The following ITIH4 variants were observed in gnomAD, a reference collection of about 807,000 sequenced individuals.
ITIH4 encodes the protein inter-alpha-trypsin inhibitor heavy chain H4.
A neutral mutation model predicts 111.8 loss-of-function variants in ITIH4; 79 were observed. That is an observed-to-expected ratio of 0.71 (90% CI 0.59 to 0.85). The LOEUF (loss-of-function observed/expected upper bound fraction) is 0.85. Ranked by LOEUF, ITIH4 falls within the 40% of genes least tolerant of loss-of-function variation. ITIH4 has a pLI of 0.00. For synonymous variants in ITIH4, 472 were observed against 468.3 expected (o/e 1.01, Z -0.10); for missense variants, 1,065 against 1,195.8 (o/e 0.89, Z 1.61).
chr3:52,823,824 T>C lies in ITIH4; in HGVS notation c.1352A>G (p.Gln451Arg), dbSNP rs1207212924. ...AGCCCACCTGGGGCACACTGGCACCTGGAGCTGCAGGGCAGAGTCTGAGTC... is the reference window on the plus strand; with the variant it reads ...AGCCCACCTGGGGCACACTGGCACCCGGAGCTGCAGGGCAGAGTCTGAGTC... Reference protein sequence around the residue: ...HEDSDSALQLQDFYQEVANPL... With the variant: ...HEDSDSALQLRDFYQEVANPL... Residue 451 changes from glutamine (Q) to arginine (R), a missense_variant and splice_region_variant, in exon 10 of 24, where the codon CAG (glutamine) becomes CGG (arginine). Gln to Arg is a conservative substitution (Grantham distance 43, BLOSUM62 1). Transcript: ENST00000266041. 1 of 1,613,908 alleles carries C rather than the reference T, an allele frequency of 6.2e-7. No homozygotes were observed. Among genetic ancestry groups the C allele is most frequent in the Admixed American group, 1.7e-5 (1 of 60,022 alleles).
In ITIH4 at chr3:52,818,115, G is replaced by A. The variant is rs145279742; in HGVS notation, c.2233C>T (p.Arg745Trp). ...CGGTGTCTGGGGTCCACACAGAGCCGCTCCACACTCTGCCCAGGCAGTGGC... is the reference window on the plus strand; with the variant it reads ...CGGTGTCTGGGGTCCACACAGAGCCACTCCACACTCTGCCCAGGCAGTGGC... ...ILPLPGQSVE[R>W]LCVDPRHRQG... Residue 745 changes from arginine (R) to tryptophan (W), a missense_variant, in exon 20 of 24, where the codon CGG (arginine) becomes TGG (tryptophan). Arg to Trp is a moderately radical substitution (Grantham distance 101, BLOSUM62 -3). Transcript: ENST00000266041. 1,609 of 1,613,854 alleles carry A rather than the reference G, an allele frequency of 1.0e-3. No homozygotes were observed. Among genetic ancestry groups the A allele is most frequent in the Non-Finnish European group, 1.2e-3 (1,448 of 1,179,958 alleles).
At chr3:52,820,890 A>C (rs990797870) in intron 12 of ITIH4, 101 bp downstream of exon 12, 1 of 1,547,150 alleles carries the variant, frequency 6.5e-7, no homozygotes, top group African/African-American at 1.4e-5. Context: ...TGGAGCTTGG[A>C]CATGATGCCA....
At chr3:52,817,916 A>C in intron 20 of ITIH4, 136 bp downstream of exon 20, 1 of 748,782 alleles carries the variant, frequency 1.3e-6, no homozygotes. Context: ...CCATGCCAGC[A>C]CTGGGAGGCA....
intron 20 of ITIH4, 126 bp from the exon 21 acceptor site, chr3:52,817,184 G>T: frequency 1.4e-6 from 1 of 722,908 alleles, no homozygotes; most frequent in Non-Finnish European, 2.3e-6. Context: ...CATCAGGAGG[G>T]GTGCCCCTTT....
intron 11 of ITIH4, 153 bp downstream of exon 11, chr3:52,823,403 T>C (rs551308550): frequency 1.3e-5 from 8 of 638,554 alleles, no homozygotes; most frequent in African/African-American, 1.1e-4. Context: ...AATCACTCCA[T>C]TGTCTCATTG....
At position 52,819,379 on chromosome 3, in the gene ITIH4, G is replaced by A. The variant is rs751752080; in HGVS notation, c.2077+14C>T. Reference sequence around the variant, plus strand: ...GGGAAACCGAGGCCCTCGCAGGGCCGGAAGGCAGCTTACAGATGGCCAGAC... The same window carrying A: ...GGGAAACCGAGGCCCTCGCAGGGCCAGAAGGCAGCTTACAGATGGCCAGAC... On this transcript the variant is annotated intron_variant, in intron 17 of 23. Transcript: ENST00000266041. The A allele has an allele frequency of 5.6e-6, 9 of 1,613,790 alleles. No individual in the cohort carries two copies. The highest frequency in any genetic ancestry group is 2.2e-5 in the East Asian group (1 of 44,878).
chr3:52,821,606 G>T (rs931839995), intron 11 of ITIH4, among the ~76,000 whole-genome samples: 2 of 152,150 alleles, frequency 1.3e-5, no homozygotes, highest in Middle Eastern at 3.2e-3. Context: ...CTCCGGGTTT[G>T]GGGCCCCATC....
chr3:52,820,125 G>T, intron 14 of ITIH4, 135 bp from the exon 15 acceptor site: 1 of 1,262,786 alleles, frequency 7.9e-7, no homozygotes, highest in Non-Finnish European at 1.1e-6. Context: ...GCGACTAAAT[G>T]CACCAGCATG....
Position 52,819,943 on chromosome 3 carries a change from G to A in ITIH4, c.1909C>T (p.Pro637Ser). Reference protein sequence around the residue: ...YYLQGAKIPKPEASFSPRRGW... With the variant: ...YYLQGAKIPKSEASFSPRRGW... ...CCCCCACCTCCTACTTTGTCACCTG[G>A]TTTTGGTATTTTTGCTCCCTGGAGA... The change falls in exon 15 of 24, where the codon CCA becomes TCA. Residue 637 changes from proline to serine, a missense_variant. By Grantham distance (74) the Pro-to-Ser change is moderately conservative. Coordinates refer to ENST00000266041, the MANE Select transcript of ITIH4 (RefSeq NM_002218.5). 1 of 1,613,936 alleles carries A rather than the reference G, an allele frequency of 6.2e-7. No homozygotes were observed. The highest frequency in any genetic ancestry group is 1.1e-5 in the South Asian group (1 of 91,084).
chr3:52,827,033 C>T, intron 3 of ITIH4, 60 bp downstream of exon 3: 1 of 1,611,796 alleles, frequency 6.2e-7, no homozygotes, highest in Non-Finnish European at 8.5e-7. Flanking sequence ...GACTAAGGGC[C>T]AAAGGCAAGG....
At position 52,824,033 on chromosome 3, in the gene ITIH4, A is replaced by G. The variant is rs1700440852; in HGVS notation, c.1172-29T>C. Reference sequence around the variant, plus strand: ...GACCCAGGGGTTTGGGATGAGGGTGAGAAAATAGTGATTTGCTTGAAGAAT... The same window carrying G: ...GACCCAGGGGTTTGGGATGAGGGTGGGAAAATAGTGATTTGCTTGAAGAAT... On this transcript the variant is annotated intron_variant, in intron 9 of 23. Coordinates refer to ENST00000266041, the MANE Select transcript of ITIH4 (RefSeq NM_002218.5). The surrounding 1 kb of genome is among the most constrained non-coding windows in gnomAD (Gnocchi z 4.3). 1 of 1,542,980 alleles carries G rather than the reference A, an allele frequency of 6.5e-7. No individual in the cohort carries two copies. Among genetic ancestry groups the G allele is most frequent in the South Asian group, 1.3e-5 (1 of 79,052 alleles).
intron 20 of ITIH4, among the ~76,000 whole-genome samples, chr3:52,817,832 T>C (rs888452620): frequency 1.3e-5 from 2 of 152,246 alleles, no homozygotes; most frequent in African/African-American, 2.4e-5. Flanking sequence ...CATGCTTATC[T>C]GTGCCTTGGC....
chr3:52,829,939 C>G, intron 1 of ITIH4: 1 of 198,100 alleles, frequency 5.0e-6, no homozygotes, highest in South Asian at 9.6e-5. Flanking sequence ...GGTCTGTGTC[C>G]CCCGAGGAGG....
intron 6 of ITIH4, among the ~76,000 whole-genome samples, chr3:52,825,507 A>T (rs1232064157): frequency 2.0e-5 from 3 of 151,994 alleles, no homozygotes; most frequent in Non-Finnish European, 4.4e-5. Context: ...CCGAGGCAGG[A>T]GTTTCTTTTG....
rs2535621 is a variant in ITIH4 at position 52,816,983 on chromosome 3, A to G, written c.2372T>C (p.Leu791Pro). 0.019 allele frequency: 31,069 copies of G among 1,613,840 alleles called. 5,169 individuals are homozygous for G. In the African/African-American group the frequency reaches 0.36, roughly 19 times the overall value. Reference protein sequence around the residue: ...SWIEVTFKNPLVWVHASPEHV... With the variant: ...SWIEVTFKNPPVWVHASPEHV... ...TTCAGGGGATGCGTGAACCCATACC[A>G]GGGGGTTCTTGAAGGTCACTTCGAT... Residue 791 changes from leucine to proline, a missense_variant, in exon 21 of 24, where the codon CTG becomes CCG. Transcript: ENST00000266041.
At chr3:52,829,926 T>G in intron 1 of ITIH4, 1 of 192,144 alleles carries the variant, frequency 5.2e-6, no homozygotes, top group South Asian at 1.0e-4. Flanking sequence ...CCATTTGCCT[T>G]GAGGTCTGTG....
At position 52,813,439 on chromosome 3, in the gene ITIH4, G is replaced by A. The variant is rs1700224735; in HGVS notation, c.2775C>T (p.Cys925=). 2 of 1,614,108 alleles carry A rather than the reference G, an allele frequency of 1.2e-6. No individual in the cohort carries two copies. Among genetic ancestry groups the A allele is most frequent in the Non-Finnish European group, 1.7e-6 (2 of 1,179,984 alleles). Residue 925 remains cysteine (C), a synonymous_variant, in exon 24 of 24, where the codon TGC becomes TGT. Coordinates refer to ENST00000266041, the MANE Select transcript of ITIH4 (RefSeq NM_002218.5). ...ATCAGAACTACAGCTCCACAGACCA[G>A]CAGGAAATCTCCACTCCCGGGGGCC... ...QEGPPGVEIS[C]WSVEL
intron 13 of ITIH4, 148 bp from the exon 14 acceptor site, chr3:52,820,465 C>A: frequency 8.6e-7 from 1 of 1,162,630 alleles, no homozygotes; most frequent in Non-Finnish European, 1.2e-6. Context: ...TTTGGGGAGA[C>A]AGGAGACCCG....
chr3:52,819,368 C>T, intron 17 of ITIH4, 25 bp downstream of exon 17: 2 of 1,613,614 alleles, frequency 1.2e-6, no homozygotes. Flanking sequence ...AACCGAGGCC[C>T]TCGCAGGGCC....
Sources: allele counts gnomAD v4.1 joint callset (sites outside exome capture counted in the v4.1 genomes callset), GRCh38; gene constraint gnomAD v4.1.1; non-coding constraint Gnocchi (gnomAD v3.1); transcripts MANE v1.5; gene names NCBI Gene and HGNC (gene_info 2026-07-23, HGNC 2026-07-21).